PPP6C: variants seen among roughly 807,000 people sequenced by gnomAD.
PPP6C encodes the protein protein phosphatase 6 catalytic subunit, also known as serine/threonine-protein phosphatase 6 catalytic subunit.
Under a neutral mutation model 39.8 loss-of-function variants are expected in PPP6C, and 11 were observed. That is an observed-to-expected ratio of 0.28 (90% CI 0.17 to 0.46). The LOEUF is 0.46. Among genes scored for constraint, PPP6C ranks in the 20% least tolerant of loss-of-function variants. The pLI is 1.00. For synonymous variants in PPP6C, 129 were observed against 130.3 expected (o/e 0.99, Z 0.07); for missense variants, 211 against 373.9 (o/e 0.56, Z 3.59).
Position 125,186,814 on chromosome 9 carries a change from G to A in PPP6C, c.75+2830C>T, listed in dbSNP as rs140566217. 1.5e-3 allele frequency among the ~76,000 whole-genome samples: 226 copies of A among 151,042 alleles called. 6 individuals are homozygous for A. The highest frequency in any genetic ancestry group is 5.1e-3 in the African/African-American group (207 of 40,980). On this transcript the variant is annotated intron_variant, in intron 1 of 6. Coordinates refer to ENST00000373547, the MANE Select transcript of PPP6C (RefSeq NM_002721.5). Reference sequence around the variant, plus strand: ...AAAAAAAGAAACAAATACAAGTCAAGTACAATGCAGCTATGTTTCAACAAG... The same window carrying A: ...AAAAAAAGAAACAAATACAAGTCAAATACAATGCAGCTATGTTTCAACAAG...
chr9:125,171,460 TACAC>T lies in PPP6C; in HGVS notation c.76-284_76-281del, dbSNP rs138335451. ...TTTTCACCAAACACACACACACATA[TACAC>T]ACACACACACACACATATATATATA... On this transcript the variant is annotated intron_variant, in intron 1 of 6. Transcript: ENST00000373547. Among the ~76,000 whole-genome samples, 140 of 95,600 alleles carry T rather than the reference TACAC, an allele frequency of 1.5e-3. 3 individuals are homozygous for T. The highest frequency in any genetic ancestry group is 5.3e-3 in the East Asian group (19 of 3,552). 62.7% of individuals were successfully genotyped at this position (95,600 alleles called of 152,430 possible).
intron 6 of PPP6C, chr9:125,151,163 G>A: frequency 6.8e-7 from 1 of 1,460,042 alleles, no homozygotes; most frequent in Non-Finnish European, 9.6e-7. Flanking sequence ...GATGCTGGTG[G>A]AGCTAAGAGA....
intron 1 of PPP6C, among the ~76,000 whole-genome samples, chr9:125,186,827 A>G (rs929862809): frequency 6.6e-6 from 1 of 151,722 alleles, no homozygotes; most frequent in Non-Finnish European, 1.5e-5. Context: ...CAATGCAGCT[A>G]TGTTTCAACA....
chr9:125,180,590 T>C (rs1829400299), intron 1 of PPP6C, among the ~76,000 whole-genome samples: 1 of 152,154 alleles, frequency 6.6e-6, no homozygotes, highest in African/African-American at 2.4e-5. Flanking sequence ...CTGGTTAATT[T>C]TTGTATTTTT....
At chr9:125,176,549 T>C (rs888966136) in intron 1 of PPP6C, among the ~76,000 whole-genome samples, 1 of 152,064 alleles carries the variant, frequency 6.6e-6, no homozygotes, top group Non-Finnish European at 1.5e-5. Context: ...CCCAGATACT[T>C]GGAAGGCTGA....
chr9:125,160,326 A>G (rs1001124795), intron 3 of PPP6C, among the ~76,000 whole-genome samples: 1 of 152,170 alleles, frequency 6.6e-6, no homozygotes, highest in Non-Finnish European at 1.5e-5. Flanking sequence ...TACTAAGGCA[A>G]TTAATTAGAG....
intron 1 of PPP6C, among the ~76,000 whole-genome samples, chr9:125,177,768 C>T (rs1034916045): frequency 6.6e-6 from 1 of 152,146 alleles, no homozygotes; most frequent in Non-Finnish European, 1.5e-5. Flanking sequence ...TGACATGTAC[C>T]TACCATTATA....
intron 3 of PPP6C, 71 bp from the exon 4 acceptor site, chr9:125,158,453 G>T: frequency 7.1e-7 from 1 of 1,408,508 alleles, no homozygotes; most frequent in Non-Finnish European, 9.7e-7. Flanking sequence ...ATATCAAACT[G>T]TACAAACATA....
intron 2 of PPP6C, among the ~76,000 whole-genome samples, chr9:125,168,688 C>T (rs768237422): frequency 2.6e-5 from 4 of 151,068 alleles, no homozygotes; most frequent in Non-Finnish European, 4.4e-5. Context: ...CGATCTCTTG[C>T]CCTCGTGATC....
intron 1 of PPP6C, among the ~76,000 whole-genome samples, chr9:125,176,193 A>G (rs7027817): frequency 0.023 from 3,543 of 152,312 alleles, 144 homozygotes; most frequent in African/African-American, 0.082. Context: ...AAACATCATC[A>G]AGGCTGGTGT....
In PPP6C at chr9:125,147,179, T is replaced by C. The variant is rs1835830888; in HGVS notation, c.*2494A>G. On this transcript the variant is annotated 3_prime_UTR_variant, in exon 7 of 7. Coordinates refer to ENST00000373547, the MANE Select transcript of PPP6C (RefSeq NM_002721.5). The stretch of plus-strand genomic sequence containing the variant: ...ACTTATAAAAAGCTAGCCAAGAGCA[T>C]ATCGGCCAAAGGAGGAAAGGGAGTA... The C allele has an allele frequency of 6.6e-6, 1 of 152,180 alleles. No homozygotes were observed. The highest frequency in any genetic ancestry group is 2.4e-5 in the African/African-American group (1 of 41,452). The allele number at this position is 152,180 out of a possible 1,614,324, so 9.4% of individuals were successfully genotyped here. A position where few individuals can be genotyped will look rare whatever the true frequency, so the allele number is the denominator to read the frequency against.
chr9:125,178,251 AT>A (rs1214043945), intron 1 of PPP6C, among the ~76,000 whole-genome samples: 4 of 152,140 alleles, frequency 2.6e-5, no homozygotes, highest in Admixed American at 1.3e-4. Flanking sequence ...TGGCTGTACC[AT>A]TTTGCATTCC....
intron 1 of PPP6C, chr9:125,188,987 A>T (rs374028047): frequency 6.9e-7 from 1 of 1,459,458 alleles, no homozygotes; most frequent in East Asian, 2.5e-5. Flanking sequence ...ATTTGTATTT[A>T]TTGAGAACCA....
intron 6 of PPP6C, chr9:125,151,546 C>A (rs1169765552): frequency 4.8e-6 from 4 of 825,014 alleles, no homozygotes; most frequent in Non-Finnish European, 8.6e-6. Context: ...GGAAAATTCA[C>A]AATGAAGAAT....
At chr9:125,170,607 G>A (rs191732608) in intron 2 of PPP6C, among the ~76,000 whole-genome samples, 4 of 152,302 alleles carry the variant, frequency 2.6e-5, no homozygotes, top group Non-Finnish European at 5.9e-5. Flanking sequence ...TCATTCATCA[G>A]TGATTTGCTG....
intron 1 of PPP6C, among the ~76,000 whole-genome samples, chr9:125,183,885 C>A (rs1829468721): frequency 6.6e-6 from 1 of 152,120 alleles, no homozygotes; most frequent in Admixed American, 6.6e-5. Flanking sequence ...TATTGAAAGC[C>A]CCTCAAAGGC....
At chr9:125,186,932 TTC>T (rs1829542106) in intron 1 of PPP6C, among the ~76,000 whole-genome samples, 1 of 138,878 alleles carries the variant, frequency 7.2e-6, no homozygotes, top group Non-Finnish European at 1.5e-5. Context: ...CAACAGATTT[TTC>T]TTTCTTTTTT....
intron 6 of PPP6C, chr9:125,151,403 G>A: frequency 1.1e-6 from 1 of 940,536 alleles, no homozygotes; most frequent in Non-Finnish European, 1.8e-6. Context: ...CTCTGGTCCA[G>A]CTATTTCTCA....
rs370675265 is a variant in PPP6C at position 125,155,130 on chromosome 9, T to G, written c.380-1145A>C. Among the ~76,000 whole-genome samples, 437 of 152,230 alleles carry G rather than the reference T, an allele frequency of 2.9e-3. 3 individuals are homozygous for G. Among genetic ancestry groups the G allele is most frequent in the African/African-American group, 9.7e-3 (402 of 41,534 alleles). On this transcript the variant is annotated intron_variant, in intron 4 of 6. Transcript: ENST00000373547. Reference sequence around the variant, plus strand: ...TATGTTGTCCAGGCTGGTCTTGAACTCCTGAGCTCAAGCAATCCTCCTACC... The same window carrying G: ...TATGTTGTCCAGGCTGGTCTTGAACGCCTGAGCTCAAGCAATCCTCCTACC...
Sources: gnomAD v4.1 joint callset for allele counts (sites outside exome capture counted in the v4.1 genomes callset) on GRCh38, gnomAD v4.1.1 for gene constraint, MANE v1.5 for transcripts, NCBI Gene and HGNC (gene_info 2026-07-23, HGNC 2026-07-21) for gene names.